Variants in GALNT13 observed in about 807,000 individuals in gnomAD.
GALNT13 encodes polypeptide N-acetylgalactosaminyltransferase 13.
In GALNT13, 28 loss-of-function variants were observed where a neutral mutation model predicts 64.2. The ratio of observed to expected loss-of-function variants is 0.44; its 90% confidence interval spans 0.32 to 0.60. The LOEUF is 0.60. GALNT13 is among the 20% of genes least tolerant of loss of function. The probability of loss-of-function intolerance (pLI) is 0.05; values close to 1 mark genes in which losing one functional copy is unlikely to be tolerated. For missense variants in GALNT13, 577 were observed against 669.8 expected (o/e 0.86, Z 1.53); for synonymous variants, 214 against 224.6 (o/e 0.95, Z 0.42).
the GALNT13 span, among the ~76,000 whole-genome samples, chr2:153,444,482 T>C: frequency 6.6e-6 from 1 of 152,198 alleles, no homozygotes; most frequent in Non-Finnish European, 1.5e-5. Context: ...AGAAAAGCAT[T>C]ATCTTTGCTA....
the GALNT13 span, among the ~76,000 whole-genome samples, chr2:153,789,568 C>G: frequency 6.6e-5 from 10 of 152,094 alleles, no homozygotes; most frequent in African/African-American, 2.4e-4. Flanking sequence ...CCAAAGCTAA[C>G]AGAAGATCAC....
intron 11 of GALNT13, among the ~76,000 whole-genome samples, chr2:154,409,830 A>C (rs2105394547): frequency 6.6e-6 from 1 of 152,072 alleles, no homozygotes; most frequent in South Asian, 2.1e-4. Flanking sequence ...AGTTAGTGTG[A>C]ACCGAGGTTG....
At chr2:153,599,434 G>C in the GALNT13 span, among the ~76,000 whole-genome samples, 1 of 151,970 alleles carries the variant, frequency 6.6e-6, no homozygotes, top group Non-Finnish European at 1.5e-5. Flanking sequence ...ATTCTGCTGT[G>C]TATCTTCCTG....
At chr2:154,288,412 A>G (rs1239159412) in intron 8 of GALNT13, among the ~76,000 whole-genome samples, 5 of 151,938 alleles carry the variant, frequency 3.3e-5, no homozygotes, top group Admixed American at 6.6e-5. Flanking sequence ...ACATTTCAAA[A>G]CCAATCATGC....
At chr2:153,399,764 A>G in the GALNT13 span, among the ~76,000 whole-genome samples, 1 of 152,138 alleles carries the variant, frequency 6.6e-6, no homozygotes, top group African/African-American at 2.4e-5. Flanking sequence ...TGATTTTTGT[A>G]CATTGATTTT....
intron 8 of GALNT13, among the ~76,000 whole-genome samples, chr2:154,295,922 C>T (rs1692897405): frequency 1.3e-5 from 2 of 152,110 alleles, no homozygotes; most frequent in Non-Finnish European, 2.9e-5. Flanking sequence ...TATTGGTGGC[C>T]TTACCCAGGT....
At chr2:154,248,489 A>G (rs1448502162) in intron 7 of GALNT13, among the ~76,000 whole-genome samples, 1 of 152,176 alleles carries the variant, frequency 6.6e-6, no homozygotes, top group Non-Finnish European at 1.5e-5. Context: ...TATTTCAATT[A>G]TATGTGCAAC....
chr2:154,310,341 G>A (rs1171302563), intron 9 of GALNT13, among the ~76,000 whole-genome samples: 2 of 151,964 alleles, frequency 1.3e-5, no homozygotes, highest in Non-Finnish European at 2.9e-5. Context: ...TATAACCTAC[G>A]TCAGAGGCAA....
chr2:153,255,666 T>C, the GALNT13 span, among the ~76,000 whole-genome samples: 2 of 152,160 alleles, frequency 1.3e-5, no homozygotes, highest in Non-Finnish European at 2.9e-5. Flanking sequence ...GGCCTGGTGG[T>C]GACAAAATCT....
intron 10 of GALNT13, among the ~76,000 whole-genome samples, chr2:154,407,849 C>G (rs1240887710): frequency 6.6e-6 from 1 of 152,068 alleles, no homozygotes; most frequent in Non-Finnish European, 1.5e-5. Flanking sequence ...TACCACTTTC[C>G]CCAACTCCAG....
At chr2:153,441,140 G>A in the GALNT13 span, among the ~76,000 whole-genome samples, 1 of 152,130 alleles carries the variant, frequency 6.6e-6, no homozygotes, top group Admixed American at 6.5e-5. Flanking sequence ...TGTAAGGAAG[G>A]GGTCCGGTTT....
the GALNT13 span, among the ~76,000 whole-genome samples, chr2:153,381,601 T>C: frequency 6.6e-6 from 1 of 151,984 alleles, no homozygotes; most frequent in Non-Finnish European, 1.5e-5. Context: ...GATACTCATC[T>C]ATATTCATAT....
At chr2:153,882,183 G>T (rs770764887) in intron 1 of GALNT13, among the ~76,000 whole-genome samples, 1 of 149,988 alleles carries the variant, frequency 6.7e-6, no homozygotes, top group Non-Finnish European at 1.5e-5. Flanking sequence ...ATGTAGGGGG[G>T]GGTCGAGGCA....
chr2:154,429,058 C>A (rs573514960), intron 11 of GALNT13, among the ~76,000 whole-genome samples: 3 of 152,256 alleles, frequency 2.0e-5, no homozygotes, highest in African/African-American at 7.2e-5. Flanking sequence ...CACAGACTGG[C>A]CATTCCCTAT....
the GALNT13 span, among the ~76,000 whole-genome samples, chr2:153,289,824 C>G: frequency 1.2e-4 from 19 of 152,068 alleles, no homozygotes; most frequent in African/African-American, 4.6e-4. Context: ...CACGTGGGAC[C>G]TCTCCACAAA....
At chr2:153,158,512 C>G in the GALNT13 span, among the ~76,000 whole-genome samples, 1 of 152,084 alleles carries the variant, frequency 6.6e-6, no homozygotes, top group Non-Finnish European at 1.5e-5. Context: ...TATTCCTGGA[C>G]TCTTAACTCT....
intron 9 of GALNT13, among the ~76,000 whole-genome samples, chr2:154,326,896 T>C (rs1694903674): frequency 6.6e-6 from 1 of 152,098 alleles, no homozygotes; most frequent in Non-Finnish European, 1.5e-5. Flanking sequence ...GAGGTCACAT[T>C]TTACAACTAA....
At chr2:153,404,538 A>T in the GALNT13 span, among the ~76,000 whole-genome samples, 37 of 152,194 alleles carry the variant, frequency 2.4e-4, no homozygotes, top group African/African-American at 8.9e-4. Context: ...TTAGAAAAAA[A>T]ATCTAGGAAA....
At chr2:153,319,739 C>T in the GALNT13 span, among the ~76,000 whole-genome samples, 1 of 152,286 alleles carries the variant, frequency 6.6e-6, no homozygotes, top group South Asian at 2.1e-4. Context: ...TCATTTTTCA[C>T]TTTTGACCTG....
Sources: gnomAD v4.1 joint callset for allele counts (sites outside exome capture counted in the v4.1 genomes callset) on GRCh38, gnomAD v4.1.1 for gene constraint, MANE v1.5 for transcripts, NCBI Gene and HGNC (gene_info 2026-07-23, HGNC 2026-07-21) for gene names.